DPP6: variants seen among roughly 807,000 people sequenced by gnomAD.
The protein encoded by DPP6 is A-type potassium channel modulatory protein DPP6.
DPP6 carries 69 observed loss-of-function variants against 122.6 expected under a neutral mutation model. The observed-to-expected ratio is 0.56, with a 90% confidence interval of 0.46 to 0.69. The LOEUF is 0.69. DPP6 is among the 30% of genes least tolerant of loss of function. The probability of loss-of-function intolerance (pLI) is 0.00; values close to 1 mark genes in which losing one functional copy is unlikely to be tolerated. For synonymous variants in DPP6, 418 were observed against 433.1 expected, an observed-to-expected ratio of 0.97 and a Z score of 0.43; for missense variants, 928 against 1,116.9, an observed-to-expected ratio of 0.83 and a Z score of 2.41.
chr7:154,502,124 G>A (rs554789076), intron 3 of DPP6, among the ~76,000 whole-genome samples: 55 of 152,266 alleles, frequency 3.6e-4, no homozygotes, highest in Non-Finnish European at 5.9e-4. Context: ...TGGAATGGCC[G>A]TATTTACCCA....
chr7:154,207,635 A>G lies in DPP6; in HGVS notation c.243+154572A>G, dbSNP rs956556920. On this transcript the variant is annotated intron_variant, in intron 1 of 25. Transcript: ENST00000377770. Reference sequence around the variant, plus strand: ...ATCAGTTACAGCCAGAATTAAGATGATTTTCACTCTAACTACAAAACAAGT... The same window carrying G: ...ATCAGTTACAGCCAGAATTAAGATGGTTTTCACTCTAACTACAAAACAAGT... Among the ~76,000 whole-genome samples, 24 of 152,228 alleles carry G rather than the reference A, an allele frequency of 1.6e-4. 1 individual carries two copies. The highest frequency in any genetic ancestry group is 5.8e-4 in the African/African-American group (24 of 41,458).
Position 154,718,978 on chromosome 7 carries a change from T to A in DPP6, c.763-8789T>A, listed in dbSNP as rs73498003. ...TCTAGGAAATGATTCATCCCCCCACTGCTCAGAAGCACCACTCTTCTTGTG... is the reference window on the plus strand; with the variant it reads ...TCTAGGAAATGATTCATCCCCCCACAGCTCAGAAGCACCACTCTTCTTGTG... On this transcript the variant is annotated intron_variant, in intron 7 of 25. Transcript: ENST00000377770. 2.8e-3 allele frequency among the ~76,000 whole-genome samples: 431 copies of A among 152,284 alleles called. 1 individual carries two copies. The highest frequency in any genetic ancestry group is 9.6e-3 in the African/African-American group (400 of 41,562).
chr7:154,017,351 G>C (rs1798470904), intron 1 of DPP6, among the ~76,000 whole-genome samples: 1 of 152,162 alleles, frequency 6.6e-6, no homozygotes, highest in South Asian at 2.1e-4. Flanking sequence ...TTACAGATGG[G>C]ATTACAGACT....
rs1452073950 is a variant in DPP6 at position 154,241,364 on chromosome 7, A to C, written c.243+188301A>C. Among the ~76,000 whole-genome samples, 4 of 151,978 alleles carry C rather than the reference A, an allele frequency of 2.6e-5. No homozygotes were observed. The highest frequency in any genetic ancestry group is 4.4e-5 in the Non-Finnish European group (3 of 67,986). ...TTCCTGTGTTTCCCTGTTTTATCCAAATTCTCAGTGTTTTTAAAGATCCCA... is the reference window on the plus strand; with the variant it reads ...TTCCTGTGTTTCCCTGTTTTATCCACATTCTCAGTGTTTTTAAAGATCCCA... On this transcript the variant is annotated intron_variant, in intron 1 of 25. Coordinates refer to ENST00000377770, the MANE Select transcript of DPP6 (RefSeq NM_130797.4). The surrounding 1 kb of genome is among the most constrained non-coding windows in gnomAD (Gnocchi z 9.0).
intron 8 of DPP6, among the ~76,000 whole-genome samples, chr7:154,753,136 C>T (rs1374887884): frequency 6.6e-6 from 1 of 152,138 alleles, no homozygotes; most frequent in African/African-American, 2.4e-5. Flanking sequence ...CTCCTGCGGT[C>T]CTGCCCAGGC....
chr7:154,580,012 C>T (rs1831944422), intron 5 of DPP6, among the ~76,000 whole-genome samples: 1 of 152,124 alleles, frequency 6.6e-6, no homozygotes, highest in African/African-American at 2.4e-5. Flanking sequence ...GACACCACAT[C>T]TCCCAAATTA....
chr7:153,845,950 TTAAA>T, the DPP6 span, among the ~76,000 whole-genome samples: 2 of 152,204 alleles, frequency 1.3e-5, no homozygotes, highest in African/African-American at 4.8e-5. Context: ...ATTATTTTGA[TTAAA>T]TAATTTCATC....
At chr7:153,950,423 G>A (rs1039851544) in intron 1 of DPP6, among the ~76,000 whole-genome samples, 4 of 152,150 alleles carry the variant, frequency 2.6e-5, no homozygotes, top group South Asian at 4.2e-4. Context: ...GTTATGCGCC[G>A]GGAGTTTGTA....
chr7:154,478,336 G>A (rs1343098134), intron 3 of DPP6, among the ~76,000 whole-genome samples: 2 of 152,082 alleles, frequency 1.3e-5, no homozygotes, highest in Admixed American at 6.5e-5. Context: ...AAAGCGGTGA[G>A]CGATTTGTTC....
At chr7:153,864,056 T>C in the DPP6 span, among the ~76,000 whole-genome samples, 1 of 152,214 alleles carries the variant, frequency 6.6e-6, no homozygotes, top group Non-Finnish European at 1.5e-5. Flanking sequence ...GGTGTGCAAG[T>C]GTTTATCTGG....
At chr7:154,111,620 C>CGTGTGTGTGTGTGTGTGT (rs71309604) in intron 1 of DPP6, among the ~76,000 whole-genome samples, 5 of 134,912 alleles carry the variant, frequency 3.7e-5, no homozygotes, top group African/African-American at 1.4e-4. Context: ...GGCAGGGTTT[C>CGTGTGTGTGTGTGTGTGT]GTGTGTGTGT....
chr7:153,979,353 A>T (rs1452550079), intron 1 of DPP6, among the ~76,000 whole-genome samples: 1 of 152,232 alleles, frequency 6.6e-6, no homozygotes, highest in East Asian at 1.9e-4. Context: ...TTTGTCTATT[A>T]TTGGTGTATA....
chr7:154,631,047 A>C (rs769434311), intron 5 of DPP6, among the ~76,000 whole-genome samples: 1 of 152,378 alleles, frequency 6.6e-6, no homozygotes, highest in East Asian at 1.9e-4. Context: ...AAAAACATCC[A>C]TGTGGAAAGG....
intron 1 of DPP6, among the ~76,000 whole-genome samples, chr7:154,127,464 G>A (rs1030758556): frequency 2.0e-5 from 3 of 152,100 alleles, no homozygotes; most frequent in African/African-American, 7.2e-5. Flanking sequence ...TCACTAACTT[G>A]GAGCTGAGCT....
At chr7:154,678,916 C>T (rs550506008) in intron 7 of DPP6, among the ~76,000 whole-genome samples, 26 of 152,314 alleles carry the variant, frequency 1.7e-4, no homozygotes, top group Non-Finnish European at 2.9e-4. Flanking sequence ...ACTCGAAGTA[C>T]AGGCTGTGGA....
At chr7:154,654,522 G>C (rs527489476) in intron 6 of DPP6, among the ~76,000 whole-genome samples, 7 of 151,496 alleles carry the variant, frequency 4.6e-5, no homozygotes, top group African/African-American at 1.7e-4. Flanking sequence ...AGGTTCAGGC[G>C]ATTCTCCTGC....
intron 1 of DPP6, among the ~76,000 whole-genome samples, chr7:154,074,255 A>G (rs1803389034): frequency 6.6e-6 from 1 of 152,018 alleles, no homozygotes; most frequent in Non-Finnish European, 1.5e-5. Flanking sequence ...AAGGATGAAG[A>G]TGATATTTTA....
intron 17 of DPP6, among the ~76,000 whole-genome samples, chr7:154,857,195 TG>T (rs1802916806): frequency 6.6e-6 from 1 of 152,098 alleles, no homozygotes; most frequent in Non-Finnish European, 1.5e-5. Flanking sequence ...TGATTAAATG[TG>T]GTTGAGTTGA....
the DPP6 span, among the ~76,000 whole-genome samples, chr7:153,756,120 T>G: frequency 2.6e-5 from 4 of 152,126 alleles, no homozygotes; most frequent in Non-Finnish European, 4.4e-5. Context: ...AGCTTGATTT[T>G]GGACTTGAAT....
Sources: allele counts gnomAD v4.1 joint callset (sites outside exome capture counted in the v4.1 genomes callset), GRCh38; gene constraint gnomAD v4.1.1; non-coding constraint Gnocchi (gnomAD v3.1); transcripts MANE v1.5; gene names NCBI Gene and HGNC (gene_info 2026-07-23, HGNC 2026-07-21).